Variants in R3HDM2 observed in about 807,000 individuals in gnomAD.
R3HDM2 encodes the protein R3H domain containing 2.
Under a neutral mutation model 124.5 loss-of-function variants are expected in R3HDM2, and 38 were observed. The ratio of observed to expected loss-of-function variants is 0.31; its 90% CI spans 0.24 to 0.40. The LOEUF (loss-of-function observed/expected upper bound fraction) is 0.40, where lower values mean the gene tolerates loss of function less well. Ranked by LOEUF, R3HDM2 falls within the 10% of genes least tolerant of loss-of-function variation. The pLI is 1.00. For synonymous variants in R3HDM2, 391 were observed against 448.0 expected, an observed-to-expected ratio of 0.87 and a Z score of 1.61; for missense variants, 869 against 1,236.9, an observed-to-expected ratio of 0.70 and a Z score of 4.46.
intron 1 of R3HDM2, among the ~76,000 whole-genome samples, chr12:57,407,403 T>A (rs2139186745): frequency 6.6e-6 from 1 of 152,020 alleles, no homozygotes; most frequent in East Asian, 1.9e-4. Context: ...TAAGGAATTT[T>A]TTTTTCTTTT....
chr12:57,303,669 G>A (rs2051829891), intron 3 of R3HDM2, among the ~76,000 whole-genome samples: 6 of 152,116 alleles, frequency 3.9e-5, no homozygotes. Flanking sequence ...GTAGTCTCAG[G>A]TATCTGGGAG....
chr12:57,427,228 T>C (rs570005673), intron 1 of R3HDM2, among the ~76,000 whole-genome samples: 1 of 149,788 alleles, frequency 6.7e-6, no homozygotes, highest in African/African-American at 2.5e-5. Flanking sequence ...GAGGTGGAGG[T>C]TGCAGTGAGC....
intron 7 of R3HDM2, 114 bp from the exon 8 acceptor site, chr12:57,297,501 T>C: frequency 1.6e-6 from 1 of 628,564 alleles, no homozygotes; most frequent in Non-Finnish European, 2.7e-6. Context: ...GAAAAAGGTA[T>C]ATATCCAAAC....
Position 57,420,634 on chromosome 12 carries a change from C to T in R3HDM2, c.-106+10086G>A, listed in dbSNP as rs553511349. On this transcript the variant is annotated intron_variant, in intron 1 of 23. Transcript: ENST00000402412. ...AGGCCCATAGTATTGGGATTACGGG[C>T]GTGAGCCACTGCGCCCAGGCTTTAC... 5.9e-5 allele frequency among the ~76,000 whole-genome samples: 9 copies of T among 151,564 alleles called. No individual in the cohort carries two copies. In the South Asian group the frequency reaches 1.7e-3, roughly 28 times the overall value.
In R3HDM2 at chr12:57,253,903, T is replaced by C; in HGVS notation, c.*870A>G. 1 of 262,716 alleles carries C rather than the reference T, an allele frequency of 3.8e-6. No homozygotes were observed. Among genetic ancestry groups the C allele is most frequent in the East Asian group, 1.6e-4 (1 of 6,328 alleles). The allele number at this position is 262,716 out of a possible 1,614,324, so 16.3% of individuals were successfully genotyped here. A position where few individuals can be genotyped will look rare whatever the true frequency, so the allele number is the denominator to read the frequency against. On this transcript the variant is annotated 3_prime_UTR_variant, in exon 24 of 24. Transcript: ENST00000402412. The stretch of plus-strand genomic sequence containing the variant: ...AACATCTGTATGTGCAATTAAATAC[T>C]GTGTCTGTTACTGCGGCACGAACCT...
At chr12:57,418,202 C>T (rs2139482868) in intron 1 of R3HDM2, 1 of 985,392 alleles carries the variant, frequency 1.0e-6, no homozygotes, top group East Asian at 1.1e-4. Flanking sequence ...GTCATCCATC[C>T]ACAATTCCTC....
chr12:57,335,431 C>T (rs1398810975), intron 2 of R3HDM2, among the ~76,000 whole-genome samples: 3 of 150,512 alleles, frequency 2.0e-5, no homozygotes, highest in Admixed American at 2.0e-4. Context: ...TGGCCTCAAA[C>T]TCCTGACCTC....
intron 1 of R3HDM2, among the ~76,000 whole-genome samples, chr12:57,404,673 C>T (rs1237027117): frequency 6.6e-6 from 1 of 151,950 alleles, no homozygotes; most frequent in Non-Finnish European, 1.5e-5. Flanking sequence ...GCACTCCAGC[C>T]CGGCACCAGA....
Position 57,253,962 on chromosome 12 carries a change from C to T in R3HDM2, c.*811G>A, listed in dbSNP as rs2136870465. On this transcript the variant is annotated 3_prime_UTR_variant, in exon 24 of 24. Coordinates refer to ENST00000402412, the MANE Select transcript of R3HDM2 (RefSeq NM_001394031.1). ...CAATATACAAGTGTTCTGGGGGGGC[C>T]AGGGGAATCCCAAGTTTTAACTCTG... 5.7e-6 allele frequency: 2 copies of T among 351,156 alleles called. 1 individual carries two copies. Among genetic ancestry groups the T allele is most frequent in the South Asian group, 4.5e-5 (2 of 44,088 alleles). The allele number at this position is 351,156 out of a possible 1,614,324, so 21.8% of individuals were successfully genotyped here.
intron 1 of R3HDM2, among the ~76,000 whole-genome samples, chr12:57,417,529 A>C (rs1429209941): frequency 1.3e-5 from 2 of 152,170 alleles, no homozygotes; most frequent in Non-Finnish European, 2.9e-5. Context: ...GAGGATTATT[A>C]TTCTGAGGAT....
chr12:57,382,252 C>T (rs1006230932), intron 2 of R3HDM2, among the ~76,000 whole-genome samples: 2 of 151,384 alleles, frequency 1.3e-5, no homozygotes, highest in Admixed American at 6.6e-5. Flanking sequence ...ATACCTGGGA[C>T]TATAAGCACA....
rs36014724 is a variant in R3HDM2 at position 57,342,495 on chromosome 12, GAC to G, written c.-35-32034_-35-32033del. 9.4e-3 allele frequency among the ~76,000 whole-genome samples: 1,399 copies of G among 149,012 alleles called. 21 individuals are homozygous for G. The highest frequency in any genetic ancestry group is 0.073 in the East Asian group (366 of 5,030). On this transcript the variant is annotated intron_variant, in intron 2 of 23. Coordinates refer to ENST00000402412, the MANE Select transcript of R3HDM2 (RefSeq NM_001394031.1). ...ACAGACACAGACACAGGCACACACA[GAC>G]ACACACACACACACACACAGAGGCT...
chr12:57,427,901 G>C (rs777972169), intron 1 of R3HDM2, among the ~76,000 whole-genome samples: 2 of 151,786 alleles, frequency 1.3e-5, no homozygotes, highest in African/African-American at 4.8e-5. Context: ...GGATCACTTA[G>C]GGTCAGGAGT....
At chr12:57,389,313 G>T (rs923700523) in intron 2 of R3HDM2, among the ~76,000 whole-genome samples, 2 of 152,206 alleles carry the variant, frequency 1.3e-5, no homozygotes, top group African/African-American at 4.8e-5. Flanking sequence ...ATCAGCAGAA[G>T]CAACAGGCTG....
intron 2 of R3HDM2, among the ~76,000 whole-genome samples, chr12:57,349,680 C>A (rs1343418021): frequency 2.0e-5 from 3 of 151,554 alleles, no homozygotes; most frequent in African/African-American, 7.3e-5. Flanking sequence ...CCTGCCTCAG[C>A]CTCCCGAGTA....
chr12:57,299,970 C>G, intron 5 of R3HDM2, 125 bp downstream of exon 5: 2 of 760,162 alleles, frequency 2.6e-6, no homozygotes, highest in South Asian at 3.4e-5. Flanking sequence ...TTTACTACAA[C>G]AGCTTTTGTT....
At chr12:57,301,259 T>C (rs2051084710) in intron 4 of R3HDM2, among the ~76,000 whole-genome samples, 1 of 152,184 alleles carries the variant, frequency 6.6e-6, no homozygotes, top group African/African-American at 2.4e-5. Context: ...ACTATGCAAA[T>C]CATTTCCCTC....
At chr12:57,282,395 A>G (rs7302906) in intron 13 of R3HDM2, among the ~76,000 whole-genome samples, 36,182 of 152,132 alleles carry the variant, frequency 0.24, 4,667 homozygotes, top group South Asian at 0.43. Flanking sequence ...GTTATGCTAT[A>G]TTAAGTAATT....
chr12:57,404,064 ATTTT>A (rs767234283), intron 1 of R3HDM2, among the ~76,000 whole-genome samples: 6 of 77,016 alleles, frequency 7.8e-5, no homozygotes, highest in Admixed American at 2.1e-4. Context: ...TCCACTCCTA[ATTTT>A]TTTTTTTTTT....
Sources: gnomAD v4.1 joint callset for allele counts (sites outside exome capture counted in the v4.1 genomes callset) on GRCh38, gnomAD v4.1.1 for gene constraint, MANE v1.5 for transcripts, NCBI Gene and HGNC (gene_info 2026-07-23, HGNC 2026-07-21) for gene names.